Variants in SCPEP1 observed in about 807,000 individuals in gnomAD.
SCPEP1 encodes the protein retinoid-inducible serine carboxypeptidase.
Under a neutral mutation model 63.8 loss-of-function variants are expected in SCPEP1, and 51 were observed. The ratio of observed to expected loss-of-function variants is 0.80; its 90% CI spans 0.64 to 1.01. SCPEP1 has a LOEUF of 1.01. Ranked by LOEUF, SCPEP1 falls within the 50% of genes least tolerant of loss-of-function variation. SCPEP1 has a pLI of 0.00. For missense variants in SCPEP1, 499 were observed against 554.9 expected (o/e 0.90, Z 1.01); for synonymous variants, 204 against 207.8 (o/e 0.98, Z 0.16).
Position 57,002,082 on chromosome 17 carries a change from G to T in SCPEP1, c.1197G>T (p.Trp399Cys), listed in dbSNP as rs1053176164. 5.6e-6 allele frequency: 9 copies of T among 1,614,072 alleles called. No homozygotes were observed. The highest frequency in any genetic ancestry group is 7.6e-6 in the Non-Finnish European group (9 of 1,180,024). Residue 399 changes from tryptophan (W) to cysteine (C), a missense_variant, in exon 12 of 13, where the codon TGG becomes TGT. Transcript: ENST00000262288. The part of the protein sequence containing the change: ...PELPKFSQLK[W>C]KALYSDPKSL... The stretch of plus-strand genomic sequence containing the variant: ...TGCCTAAATTCAGTCAGCTGAAGTG[G>T]AAGGCCCTGTACAGTGACCCTAAAT...
chr17:56,982,164 A>T (rs1192189305), intron 2 of SCPEP1, among the ~76,000 whole-genome samples: 1 of 151,880 alleles, frequency 6.6e-6, no homozygotes, highest in Non-Finnish European at 1.5e-5. Context: ...AAGACCACCC[A>T]CCAGGGAGGA....
At chr17:56,991,048 T>G (rs1250765997) in intron 5 of SCPEP1, 51 bp from the exon 6 acceptor site, 1 of 1,330,170 alleles carries the variant, frequency 7.5e-7, no homozygotes, top group East Asian at 2.3e-5. Context: ...TTGGGATTAC[T>G]GCGTGAGCCA....
At chr17:56,991,736 A>G (rs143416534) in intron 6 of SCPEP1, among the ~76,000 whole-genome samples, 1 of 152,350 alleles carries the variant, frequency 6.6e-6, no homozygotes, top group African/African-American at 2.4e-5. Flanking sequence ...ATCTGAAACA[A>G]TCATCCTGGT....
At chr17:56,985,312 G>A (rs1300435917) in intron 2 of SCPEP1, 66 bp from the exon 3 acceptor site, 1 of 1,174,208 alleles carries the variant, frequency 8.5e-7, no homozygotes, top group Non-Finnish European at 1.3e-6. Flanking sequence ...TATAGCAAAT[G>A]TGGTCATTCA....
At chr17:56,993,566 C>T (rs565503653) in intron 6 of SCPEP1, among the ~76,000 whole-genome samples, 2 of 152,344 alleles carry the variant, frequency 1.3e-5, no homozygotes, top group East Asian at 3.9e-4. Context: ...GTCTCAGCCT[C>T]CTGAATAGCT....
intron 2 of SCPEP1, chr17:56,983,808 T>A (rs1219915313): frequency 6.6e-6 from 1 of 152,008 alleles, no homozygotes; most frequent in Non-Finnish European, 1.5e-5. Flanking sequence ...TAGTTACCCT[T>A]TAGCCCTGAC....
chr17:56,992,351 G>A (rs1053421934), intron 6 of SCPEP1, among the ~76,000 whole-genome samples: 4 of 151,904 alleles, frequency 2.6e-5, no homozygotes, highest in African/African-American at 7.3e-5. Context: ...GCTGCTATTC[G>A]TTTATCTGTC....
At position 56,981,250 on chromosome 17, in the gene SCPEP1, T is replaced by C; in HGVS notation, c.225+20T>C. ...CTTCAGGTAAAGTAGCTTCCCAGCC[T>C]GGCCTGAGGTCAAAGCCAAGTCTCC... is the stretch of plus-strand genomic sequence containing the variant. On this transcript the variant is annotated intron_variant, in intron 2 of 12. Coordinates refer to ENST00000262288, the MANE Select transcript of SCPEP1 (RefSeq NM_021626.3). 6 of 1,613,856 alleles carry C rather than the reference T, an allele frequency of 3.7e-6. No homozygotes were observed. The highest frequency in any genetic ancestry group is 5.1e-6 in the Non-Finnish European group (6 of 1,179,886).
chr17:56,997,517 A>G (rs1292209096), intron 9 of SCPEP1, among the ~76,000 whole-genome samples: 1 of 152,220 alleles, frequency 6.6e-6, no homozygotes, highest in Non-Finnish European at 1.5e-5. Context: ...AGAAGCATAT[A>G]AAGGCTGCAG....
At chr17:56,999,912 GC>G (rs1225558131) in intron 10 of SCPEP1, among the ~76,000 whole-genome samples, 1 of 151,646 alleles carries the variant, frequency 6.6e-6, no homozygotes, top group African/African-American at 2.4e-5. Context: ...AACCCGAGAG[GC>G]AGAGATTGCG....
intron 6 of SCPEP1, 80 bp downstream of exon 6, chr17:56,991,251 T>C: frequency 1.9e-6 from 2 of 1,056,198 alleles, no homozygotes; most frequent in Non-Finnish European, 1.5e-6. Context: ...GTTGTCCAGA[T>C]CAAAGAGCTA....
chr17:56,981,930 A>G (rs1911080440), intron 2 of SCPEP1, among the ~76,000 whole-genome samples: 1 of 152,098 alleles, frequency 6.6e-6, no homozygotes, highest in Non-Finnish European at 1.5e-5. Context: ...CTAACTTCTT[A>G]CCCCCAGAAA....
chr17:56,997,269 G>C (rs1337353380), intron 9 of SCPEP1: 4 of 402,540 alleles, frequency 9.9e-6, no homozygotes, highest in African/African-American at 2.1e-5. Context: ...GATCCCACGT[G>C]TCTGCTTGCA....
At chr17:56,989,975 G>A (rs932755659) in intron 5 of SCPEP1, among the ~76,000 whole-genome samples, 1 of 152,208 alleles carries the variant, frequency 6.6e-6, no homozygotes, top group East Asian at 1.9e-4. Flanking sequence ...ACTTTGGGAG[G>A]CTGAGGTAGG....
chr17:56,998,552 G>T, intron 10 of SCPEP1, 54 bp downstream of exon 10: 1 of 1,381,414 alleles, frequency 7.2e-7, no homozygotes, highest in Non-Finnish European at 1.0e-6. Context: ...GAGAAAAGAG[G>T]TGCAAATTCA....
In SCPEP1 at chr17:56,985,467, G is replaced by A. The variant is rs1219194122; in HGVS notation, c.315G>A (p.Trp105Ter). The change falls in exon 3 of 13, where the codon TGG becomes TGA. Residue 105 changes from tryptophan to a stop codon, truncating the protein, a stop_gained and splice_region_variant. Coordinates refer to ENST00000262288, the MANE Select transcript of SCPEP1 (RefSeq NM_021626.3). LOFTEE classifies it high-confidence loss of function. The stretch of plus-strand genomic sequence containing the variant: ...ATCTCAAACCACGGAAAACCACCTG[G>A]GTACAGTGAGGACAGTCCTGAGCTA... Reference protein sequence around the residue: ...DSDLKPRKTTWLQAASLLFVD... With the variant: ...DSDLKPRKTT 1.9e-6 allele frequency: 3 copies of A among 1,611,430 alleles called. No individual in the cohort carries two copies. In the African/African-American group the frequency reaches 4.0e-5, roughly 21 times the overall value.
chr17:56,994,954 G>A lies in SCPEP1; in HGVS notation c.620-27G>A, dbSNP rs756927792. 1.9e-5 allele frequency: 31 copies of A among 1,600,708 alleles called. No homozygotes were observed. In the South Asian group the frequency reaches 2.8e-4, roughly 14 times the overall value. ...GGAAAGACAGAGGTATGACATACTT[G>A]ATTTGTACATATGTGATTTCCTTTA... On this transcript the variant is annotated intron_variant, in intron 6 of 12. Transcript: ENST00000262288.
chr17:56,988,133 G>A (rs757961527), intron 4 of SCPEP1, 83 bp from the exon 5 acceptor site: 26 of 1,143,502 alleles, frequency 2.3e-5, no homozygotes, highest in South Asian at 4.1e-5. Context: ...TGGTCATTAC[G>A]TGCAATAGAA....
At chr17:56,993,769 A>T (rs999355785) in intron 6 of SCPEP1, among the ~76,000 whole-genome samples, 1 of 152,176 alleles carries the variant, frequency 6.6e-6, no homozygotes, top group African/African-American at 2.4e-5. Flanking sequence ...TTTACTGTCT[A>T]TGGCTGTTTG....
Sources: gnomAD v4.1 joint callset for allele counts (sites outside exome capture counted in the v4.1 genomes callset) on GRCh38, gnomAD v4.1.1 for gene constraint, MANE v1.5 for transcripts, NCBI Gene and HGNC (gene_info 2026-07-23, HGNC 2026-07-21) for gene names.